The following CPO variants were observed in gnomAD, a reference collection of about 807,000 sequenced individuals.
CPO encodes metallocarboxypeptidase C.
CPO carries 43 observed loss-of-function variants against 41.2 expected under a neutral mutation model. The ratio of observed to expected loss-of-function variants is 1.04; its 90% CI spans 0.82 to 1.35. CPO has a LOEUF of 1.35. Ranked by LOEUF, CPO falls within the 40% of genes most tolerant of loss-of-function variation. CPO has a pLI of 0.00. For synonymous variants in CPO, 178 were observed against 162.7 expected, an observed-to-expected ratio of 1.09 and a Z score of -0.72; for missense variants, 408 against 451.7, an observed-to-expected ratio of 0.90 and a Z score of 0.88.
At chr2:206,949,536 C>T in intron 1 of CPO, 81 bp from the exon 2 acceptor site, 1 of 961,988 alleles carries the variant, frequency 1.0e-6, no homozygotes, top group Non-Finnish European at 1.7e-6. Flanking sequence ...ACTGATTCTA[C>T]TACCTTTTTC....
intron 6 of CPO, among the ~76,000 whole-genome samples, chr2:206,961,827 C>T (rs1320117308): frequency 2.6e-5 from 4 of 151,996 alleles, no homozygotes; most frequent in Non-Finnish European, 5.9e-5. Flanking sequence ...CACGGTGGCT[C>T]ATGCCTGTAA....
chr2:206,948,496 G>A (rs1035893371), intron 1 of CPO, among the ~76,000 whole-genome samples: 1 of 152,192 alleles, frequency 6.6e-6, no homozygotes, highest in Admixed American at 6.5e-5. Flanking sequence ...TGGCTCAGCG[G>A]CTCACACTTA....
In CPO at chr2:206,962,402, C is replaced by T; in HGVS notation, c.575-10C>T. ...ATGCAGCCTTCTTTGTGGTTTCTTC[C>T]ATATTCTAGGTATTGGTGCCTCTAG... On this transcript the variant is annotated splice_polypyrimidine_tract_variant and intron_variant, in intron 6 of 8. Coordinates refer to ENST00000272852, the MANE Select transcript of CPO (RefSeq NM_173077.3). 6.2e-7 allele frequency: 1 copy of T among 1,612,912 alleles called. No homozygotes were observed. Among genetic ancestry groups the T allele is most frequent in the Non-Finnish European group, 8.5e-7 (1 of 1,178,972 alleles).
intron 1 of CPO, among the ~76,000 whole-genome samples, chr2:206,942,381 C>G (rs1364969148): frequency 6.6e-6 from 1 of 152,054 alleles, no homozygotes; most frequent in Admixed American, 6.6e-5. Context: ...TTTTACCTCT[C>G]CATACCTTCT....
chr2:206,949,544 T>C, intron 1 of CPO, 73 bp from the exon 2 acceptor site: 1 of 1,114,326 alleles, frequency 9.0e-7, no homozygotes, highest in Non-Finnish European at 1.4e-6. Context: ...TACTACCTTT[T>C]TCAACAACCC....
chr2:206,960,563 C>T (rs1246846211), intron 5 of CPO, among the ~76,000 whole-genome samples: 1 of 152,176 alleles, frequency 6.6e-6, no homozygotes, highest in African/African-American at 2.4e-5. Flanking sequence ...AAGCAGATCA[C>T]GTCCACAGGC....
intron 1 of CPO, among the ~76,000 whole-genome samples, chr2:206,948,718 A>G (rs1312482663): frequency 6.6e-6 from 1 of 152,208 alleles, no homozygotes; most frequent in Non-Finnish European, 1.5e-5. Flanking sequence ...CTATAATCAT[A>G]CCATTGCAGT....
chr2:206,949,934 C>A lies in CPO; in HGVS notation c.165+221C>A, dbSNP rs529028219. Among the ~76,000 whole-genome samples the A allele has an allele frequency of 3.3e-4, 50 of 152,226 alleles. No homozygotes were observed. The South Asian group carries it at 4.2e-3, about 13-fold the overall frequency. Reference sequence around the variant, plus strand: ...ATATGAAATTTTAAAAAATTAATAACAAAAAGAAAATGAACAAGAACATCC... The same window carrying A: ...ATATGAAATTTTAAAAAATTAATAAAAAAAAGAAAATGAACAAGAACATCC... On this transcript the variant is annotated intron_variant, in intron 2 of 8. Transcript: ENST00000272852.
intron 3 of CPO, 87 bp from the exon 4 acceptor site, chr2:206,958,214 T>C: frequency 2.9e-6 from 2 of 691,538 alleles, no homozygotes; most frequent in Admixed American, 2.7e-5. Context: ...AAGGAACCTC[T>C]AGGGGAATTA....
intron 3 of CPO, among the ~76,000 whole-genome samples, chr2:206,957,918 C>T (rs1693402595): frequency 6.6e-6 from 1 of 152,190 alleles, no homozygotes; most frequent in Admixed American, 6.5e-5. Context: ...TTGTGCACTT[C>T]ACCGCTCTAA....
At chr2:206,958,160 T>G (rs1693406415) in intron 3 of CPO, 141 bp from the exon 4 acceptor site, 2 of 558,288 alleles carry the variant, frequency 3.6e-6, no homozygotes, top group Non-Finnish European at 6.4e-6. Flanking sequence ...GGGTGTCTCA[T>G]TAGCATCCTT....
chr2:206,951,328 G>A (rs1559070804), intron 2 of CPO, among the ~76,000 whole-genome samples: 1 of 152,130 alleles, frequency 6.6e-6, no homozygotes. Context: ...TCCAAAATTG[G>A]ATACAGTGAA....
At chr2:206,958,961 G>C (rs976815158) in intron 4 of CPO, among the ~76,000 whole-genome samples, 1 of 151,476 alleles carries the variant, frequency 6.6e-6, no homozygotes, top group African/African-American at 2.4e-5. Flanking sequence ...GACTGGTCTG[G>C]AACCCCCGAC....
chr2:206,956,717 T>C (rs1408249031), intron 3 of CPO, among the ~76,000 whole-genome samples: 1 of 152,240 alleles, frequency 6.6e-6, no homozygotes, highest in Non-Finnish European at 1.5e-5. Flanking sequence ...ACTAAAGTAG[T>C]ATGGCATTAA....
chr2:206,957,159 C>T (rs1360947103), intron 3 of CPO, among the ~76,000 whole-genome samples: 2 of 151,976 alleles, frequency 1.3e-5, no homozygotes, highest in African/African-American at 2.4e-5. Flanking sequence ...GGGTGGAACA[C>T]GAGATCAGGA....
chr2:206,949,778 T>A lies in CPO; in HGVS notation c.165+65T>A, dbSNP rs536249273. The A allele has an allele frequency of 2.9e-5, 29 of 1,002,038 alleles. No individual in the cohort carries two copies. The Admixed American group carries it at 4.0e-4, about 14-fold the overall frequency. 62.1% of individuals were successfully genotyped at this position (1,002,038 alleles called of 1,614,324 possible). On this transcript the variant is annotated intron_variant, in intron 2 of 8. Coordinates refer to ENST00000272852, the MANE Select transcript of CPO (RefSeq NM_173077.3). ...AACCTACTTTAGGATGGGCAAAGAA[T>A]GGTTCACTAGTAATATCCATGCATT... is the stretch of plus-strand genomic sequence containing the variant.
chr2:206,961,742 A>G (rs1302067513), intron 6 of CPO, among the ~76,000 whole-genome samples: 2 of 152,136 alleles, frequency 1.3e-5, no homozygotes, highest in Non-Finnish European at 2.9e-5. Context: ...AACCTTACCC[A>G]GGAACCCAAG....
chr2:206,942,607 T>C (rs748722369), intron 1 of CPO, among the ~76,000 whole-genome samples: 6 of 152,290 alleles, frequency 3.9e-5, no homozygotes, highest in Middle Eastern at 3.4e-3. Context: ...TTATTAATAA[T>C]GTACCCCAAA....
intron 3 of CPO, 83 bp downstream of exon 3, chr2:206,955,647 A>T: frequency 1.2e-6 from 1 of 839,834 alleles, no homozygotes; most frequent in Non-Finnish European, 2.1e-6. Context: ...TCTAATCAGA[A>T]GTGTGGAAAA....
Sources: allele counts gnomAD v4.1 joint callset (sites outside exome capture counted in the v4.1 genomes callset), GRCh38; gene constraint gnomAD v4.1.1; transcripts MANE v1.5; gene names NCBI Gene and HGNC (gene_info 2026-07-23, HGNC 2026-07-21).